Variants in CA12 observed in about 807,000 individuals in gnomAD.
CA12 encodes the protein carbonate dehydratase XII.
Under a neutral mutation model 46.8 loss-of-function variants are expected in CA12, and 36 were observed. The ratio of observed to expected loss-of-function variants is 0.77; its 90% CI spans 0.59 to 1.02. The LOEUF (loss-of-function observed/expected upper bound fraction) is 1.02. CA12 is among the 50% of genes least tolerant of loss of function. The pLI, the probability that CA12 is intolerant of heterozygous loss-of-function variation, is 0.00. For missense variants in CA12, 436 were observed against 451.4 expected (o/e 0.97, Z 0.31); for synonymous variants, 202 against 187.0 (o/e 1.08, Z -0.65).
intron 2 of CA12, among the ~76,000 whole-genome samples, chr15:63,352,295 G>A (rs1202608529): frequency 2.0e-5 from 3 of 152,192 alleles, no homozygotes; most frequent in African/African-American, 7.2e-5. Flanking sequence ...GACCTAAAGC[G>A]ATCCACCTGC....
In CA12 at chr15:63,373,702, G is replaced by A. The variant is rs891968115; in HGVS notation, c.106+1956C>T. On this transcript the variant is annotated intron_variant, in intron 2 of 10. Transcript: ENST00000178638. The surrounding 1 kb of genome is among the most constrained non-coding windows in gnomAD (Gnocchi z 4.9). ...ATCTGCATTTTGGGGAAGTATTCCA[G>A]GTGATCCTGATGTGGGTGATCCCAA... is the stretch of plus-strand genomic sequence containing the variant. 6.6e-6 allele frequency among the ~76,000 whole-genome samples: 1 copy of A among 152,192 alleles called. No homozygotes were observed. Among genetic ancestry groups the A allele is most frequent in the Non-Finnish European group, 1.5e-5 (1 of 68,044 alleles).
chr15:63,363,830 G>A (rs906791148), intron 2 of CA12, among the ~76,000 whole-genome samples: 1 of 152,158 alleles, frequency 6.6e-6, no homozygotes, highest in Non-Finnish European at 1.5e-5. Flanking sequence ...CCAAGGGATG[G>A]GTCGCTCCCT....
At chr15:63,376,602 C>CTTTCTT (rs1391310984) in intron 1 of CA12, among the ~76,000 whole-genome samples, 13 of 142,004 alleles carry the variant, frequency 9.2e-5, no homozygotes, top group East Asian at 4.1e-4. Context: ...TTCTTTCTTT[C>CTTTCTT]TCTCTCTCTC....
chr15:63,350,680 G>A (rs1037544598), intron 2 of CA12, among the ~76,000 whole-genome samples: 2 of 152,192 alleles, frequency 1.3e-5, no homozygotes, highest in Non-Finnish European at 2.9e-5. Flanking sequence ...AATGCCTCTC[G>A]TGATTTCTGA....
chr15:63,327,216 C>A lies in CA12; in HGVS notation c.925G>T (p.Ala309Ser). 1 of 1,613,916 alleles carries A rather than the reference C, an allele frequency of 6.2e-7. No homozygotes were observed. The highest frequency in any genetic ancestry group is 8.5e-7 in the Non-Finnish European group (1 of 1,179,904). ...CAGATGCCAAGAATGCCAGCCAGGG[C>A]CAGTGAGAGGATGATGCCTGGTGAA... Reference protein sequence around the residue: ...GLSLGIILSLALAGILGICIV... With the variant: ...GLSLGIILSLSLAGILGICIV... Residue 309 changes from alanine to serine, a missense_variant, in exon 10 of 11, where the codon GCC (alanine) becomes TCC (serine). Ala to Ser is a moderately conservative substitution (Grantham distance 99). Coordinates refer to ENST00000178638, the MANE Select transcript of CA12 (RefSeq NM_001218.5). This position sits in a 1 kb window ranked among gnomAD's most constrained non-coding sequence, Gnocchi z 4.5.
In CA12 at chr15:63,325,790, G is replaced by A. The variant is rs2038857912; in HGVS notation, c.*495C>T. The A allele has an allele frequency of 9.3e-6, 2 of 215,788 alleles. No individual in the cohort carries two copies. Among genetic ancestry groups the A allele is most frequent in the Admixed American group, 5.2e-5 (1 of 19,360 alleles). 13.4% of individuals were successfully genotyped at this position (215,788 alleles called of 1,614,324 possible). On this transcript the variant is annotated 3_prime_UTR_variant, in exon 11 of 11. Coordinates refer to ENST00000178638, the MANE Select transcript of CA12 (RefSeq NM_001218.5). This position sits in a 1 kb window ranked among gnomAD's most constrained non-coding sequence, Gnocchi z 4.9. Reference sequence around the variant, plus strand: ...TTGTAAGGTGCAGATTAAAGGTTTTGTCATAGCAGAAGGAAATCAGAGGGA... The same window carrying A: ...TTGTAAGGTGCAGATTAAAGGTTTTATCATAGCAGAAGGAAATCAGAGGGA...
At position 63,340,570 on chromosome 15, in the gene CA12, C is replaced by T. The variant is rs572269137; in HGVS notation, c.590-125G>A. ...CTTTCAGGGTCATCTAACCCCAGGA[C>T]CTGGTTGCAACATTGTTCAACAACC... On this transcript the variant is annotated intron_variant, in intron 6 of 10. Coordinates refer to ENST00000178638, the MANE Select transcript of CA12 (RefSeq NM_001218.5). The surrounding 1 kb of genome is among the most constrained non-coding windows in gnomAD (Gnocchi z 4.4). 1.4e-6 allele frequency: 2 copies of T among 1,435,604 alleles called. No homozygotes were observed. Among genetic ancestry groups the T allele is most frequent in the African/African-American group, 1.4e-5 (1 of 71,520 alleles). The allele number at this position is 1,435,604 out of a possible 1,614,324, so 88.9% of individuals were successfully genotyped here. A position where few individuals can be genotyped will look rare whatever the true frequency, so the allele number is the denominator to read the frequency against.
intron 2 of CA12, among the ~76,000 whole-genome samples, chr15:63,352,731 G>A (rs1324032389): frequency 1.3e-5 from 2 of 152,120 alleles, no homozygotes; most frequent in Admixed American, 6.5e-5. Flanking sequence ...ATGATGACAC[G>A]CCCTTTTTCA....
chr15:63,374,317 G>A lies in CA12; in HGVS notation c.106+1341C>T, dbSNP rs768094419. Among the ~76,000 whole-genome samples, 89 of 152,086 alleles carry A rather than the reference G, an allele frequency of 5.9e-4. 1 individual carries two copies. The highest frequency in any genetic ancestry group is 6.5e-4 in the Non-Finnish European group (44 of 67,988). On this transcript the variant is annotated intron_variant, in intron 2 of 10. Transcript: ENST00000178638. This position sits in a 1 kb window ranked among gnomAD's most constrained non-coding sequence, Gnocchi z 4.4. The stretch of plus-strand genomic sequence containing the variant: ...CAACAGCACCCACTCCCCACTCACC[G>A]AATCCTCCTTATCTTCCAAGGCCCA...
chr15:63,357,958 T>G (rs559849433), intron 2 of CA12, among the ~76,000 whole-genome samples: 1 of 152,338 alleles, frequency 6.6e-6, no homozygotes, highest in African/African-American at 2.4e-5. Context: ...TCATCTGGCA[T>G]AATGTTTCCA....
intron 2 of CA12, among the ~76,000 whole-genome samples, chr15:63,363,302 G>A (rs926198408): frequency 3.4e-4 from 52 of 152,070 alleles, no homozygotes; most frequent in Admixed American, 6.6e-4. Context: ...TCTGAAATCC[G>A]ACCATCCCAG....
chr15:63,376,281 G>A (rs1595794960), intron 1 of CA12, among the ~76,000 whole-genome samples: 3 of 152,022 alleles, frequency 2.0e-5, no homozygotes, highest in Admixed American at 2.0e-4. Flanking sequence ...ACCTGAATAG[G>A]CAATAATTTC....
chr15:63,338,796 C>T, intron 8 of CA12, 23 bp downstream of exon 8: 1 of 1,613,506 alleles, frequency 6.2e-7, no homozygotes, highest in Non-Finnish European at 8.5e-7. Context: ...GCACCCCCTC[C>T]CCCCAGCACT....
At chr15:63,377,176 G>A (rs376742013) in intron 1 of CA12, among the ~76,000 whole-genome samples, 3 of 152,086 alleles carry the variant, frequency 2.0e-5, no homozygotes, top group East Asian at 1.9e-4. Flanking sequence ...CTTCACCTCC[G>A]AGGAAGGGAC....
chr15:63,357,436 C>T (rs984484210), intron 2 of CA12, among the ~76,000 whole-genome samples: 5 of 152,158 alleles, frequency 3.3e-5, no homozygotes, highest in African/African-American at 1.2e-4. Context: ...TCCAAGAGCT[C>T]CTGATTTTGC....
chr15:63,346,400 C>T (rs1007849133), intron 3 of CA12, 130 bp downstream of exon 3: 2 of 687,748 alleles, frequency 2.9e-6, no homozygotes, highest in South Asian at 3.1e-5. Context: ...CTCAAAGACA[C>T]CCCCGCCCCG....
intron 2 of CA12, among the ~76,000 whole-genome samples, chr15:63,349,354 G>C (rs2039195679): frequency 6.6e-6 from 1 of 152,230 alleles, no homozygotes; most frequent in African/African-American, 2.4e-5. Flanking sequence ...AGGGGAACCA[G>C]CTTCGGGAAT....
At position 63,338,841 on chromosome 15, in the gene CA12, C is replaced by T. The variant is rs1395368233; in HGVS notation, c.852G>A (p.Leu284=). The T allele has an allele frequency of 1.2e-6, 2 of 1,614,180 alleles. No individual in the cohort carries two copies. Among genetic ancestry groups the T allele is most frequent in the Non-Finnish European group, 8.5e-7 (1 of 1,180,026 alleles). The change falls in exon 8 of 11, where the codon CTG becomes CTA. Residue 284 remains leucine, a synonymous_variant. Transcript: ENST00000178638. ...CACCTTGGGAGAAGGAGGTGTATAC[C>T]AGCCTCTCATCGAACTTCTGGACCT... The part of the protein sequence containing the change: ...FRQVQKFDER[L]VYTSFSQVQV...
chr15:63,360,839 A>G (rs2039353071), intron 2 of CA12, among the ~76,000 whole-genome samples: 1 of 152,108 alleles, frequency 6.6e-6, no homozygotes, highest in African/African-American at 2.4e-5. Context: ...CATTGTAATT[A>G]CCTGCTTATA....
Sources: gnomAD v4.1 joint callset for allele counts (sites outside exome capture counted in the v4.1 genomes callset) on GRCh38, gnomAD v4.1.1 for gene constraint, Gnocchi (gnomAD v3.1) non-coding constraint, MANE v1.5 for transcripts, NCBI Gene and HGNC (gene_info 2026-07-23, HGNC 2026-07-21) for gene names.